The following USP49 variants were observed in gnomAD, a reference collection of about 807,000 sequenced individuals.
The protein encoded by USP49 is ubiquitin carboxyl-terminal hydrolase 49.
USP49 carries 24 observed loss-of-function variants against 58.6 expected under a neutral mutation model. That is an observed-to-expected ratio of 0.41 (90% CI 0.30 to 0.58). The LOEUF is 0.58. Among genes scored for constraint, USP49 ranks in the 20% least tolerant of loss-of-function variants. USP49 has a pLI of 0.30. For synonymous variants in USP49, 408 were observed against 365.1 expected (o/e 1.12, Z -1.34); for missense variants, 703 against 866.1 (o/e 0.81, Z 2.36).
intron 3 of USP49, among the ~76,000 whole-genome samples, chr6:41,820,448 A>G (rs1318906402): frequency 2.0e-5 from 3 of 152,230 alleles, no homozygotes; most frequent in Non-Finnish European, 2.9e-5. Context: ...GTAATTATTA[A>G]TTTGATGTGA....
chr6:41,825,262 A>G (rs1773518275), intron 3 of USP49, among the ~76,000 whole-genome samples: 1 of 152,210 alleles, frequency 6.6e-6, no homozygotes, highest in Admixed American at 6.5e-5. Context: ...AGTGCAGGTT[A>G]ATTTACTGTA....
intron 3 of USP49, among the ~76,000 whole-genome samples, chr6:41,811,452 G>A (rs1393557748): frequency 6.6e-6 from 1 of 152,112 alleles, no homozygotes; most frequent in Non-Finnish European, 1.5e-5. Context: ...TTATAGGTAT[G>A]TATGTACAGG....
intron 3 of USP49, among the ~76,000 whole-genome samples, chr6:41,821,319 T>C (rs1773449284): frequency 6.6e-6 from 1 of 152,180 alleles, no homozygotes; most frequent in Admixed American, 6.5e-5. Context: ...ACCAAATCTC[T>C]TTCAGTAACC....
At chr6:41,802,428 T>TTTTATTTAA (rs1773022449) in intron 5 of USP49, among the ~76,000 whole-genome samples, 1 of 106,432 alleles carries the variant, frequency 9.4e-6, no homozygotes, top group African/African-American at 3.5e-5. Flanking sequence ...TTTTATTTTA[T>TTTTATTTAA]TTTATTTATT....
At chr6:41,855,446 C>T (rs1774111591) in intron 3 of USP49, among the ~76,000 whole-genome samples, 1 of 150,590 alleles carries the variant, frequency 6.6e-6, no homozygotes, top group Non-Finnish European at 1.5e-5. Context: ...ACCCAGGAGG[C>T]AGAGGTTACA....
intron 2 of USP49, among the ~76,000 whole-genome samples, chr6:41,883,331 G>T (rs1332229404): frequency 7.1e-6 from 1 of 139,990 alleles, no homozygotes; most frequent in Non-Finnish European, 1.5e-5. Flanking sequence ...TCCAGCCTGG[G>T]AGACAGAGTG....
chr6:41,824,557 C>T (rs1283859875), intron 3 of USP49, among the ~76,000 whole-genome samples: 1 of 151,926 alleles, frequency 6.6e-6, no homozygotes, highest in Non-Finnish European at 1.5e-5. Context: ...TTAAAAAATA[C>T]AAAATTAGCG....
At chr6:41,829,057 T>C (rs1219800389) in intron 3 of USP49, among the ~76,000 whole-genome samples, 2 of 152,202 alleles carry the variant, frequency 1.3e-5, no homozygotes, top group East Asian at 3.8e-4. Context: ...CCTGGATACT[T>C]TATAGTTTTT....
chr6:41,872,377 G>A (rs568532573), intron 2 of USP49, among the ~76,000 whole-genome samples: 11 of 149,770 alleles, frequency 7.3e-5, no homozygotes, highest in South Asian at 2.1e-4. Context: ...CCGGGCGTCC[G>A]CCGCCCCATC....
At chr6:41,876,167 G>A (rs1232654137) in intron 2 of USP49, among the ~76,000 whole-genome samples, 2 of 152,090 alleles carry the variant, frequency 1.3e-5, no homozygotes, top group Non-Finnish European at 1.5e-5. Context: ...GTGTTTCCAC[G>A]CACATCCCCT....
chr6:41,895,055 G>A (rs1774873600), intron 1 of USP49, among the ~76,000 whole-genome samples: 1 of 57,198 alleles, frequency 1.7e-5, no homozygotes, highest in African/African-American at 6.8e-5. Context: ...CCCCCAGCCC[G>A]CCGGCGCCGC....
chr6:41,889,176 G>C (rs906363361), intron 2 of USP49, among the ~76,000 whole-genome samples: 2 of 151,980 alleles, frequency 1.3e-5, no homozygotes, highest in Admixed American at 6.6e-5. Context: ...GGGATTACCG[G>C]CACGTGCCAC....
intron 3 of USP49, among the ~76,000 whole-genome samples, chr6:41,819,426 C>T (rs1773415932): frequency 6.6e-6 from 1 of 151,832 alleles, no homozygotes; most frequent in Non-Finnish European, 1.5e-5. Flanking sequence ...GCCTCTCTAA[C>T]GCCATGTTCT....
At chr6:41,865,390 C>G (rs1774295311) in intron 3 of USP49, among the ~76,000 whole-genome samples, 2 of 152,058 alleles carry the variant, frequency 1.3e-5, no homozygotes, top group South Asian at 4.1e-4. Flanking sequence ...ACTTTGAAAG[C>G]AAAACAAGGT....
intron 3 of USP49, among the ~76,000 whole-genome samples, chr6:41,818,028 A>G (rs948107980): frequency 6.6e-6 from 1 of 152,146 alleles, no homozygotes. Flanking sequence ...CATGTTTTGT[A>G]CTTTTTTGTT....
chr6:41,805,053 G>T (rs888359109), intron 4 of USP49, among the ~76,000 whole-genome samples: 1 of 152,190 alleles, frequency 6.6e-6, no homozygotes, highest in East Asian at 1.9e-4. Flanking sequence ...CGGCACACCT[G>T]CCTTTTTTTA....
At chr6:41,877,010 TA>T in intron 2 of USP49, among the ~76,000 whole-genome samples, 1 of 152,332 alleles carries the variant, frequency 6.6e-6, no homozygotes, top group Non-Finnish European at 1.5e-5. Context: ...TTTAAAATTC[TA>T]AAATTTTGTA....
rs751024119 is a variant in USP49, at chr6:41,803,784, C to T, written c.1561+22G>A. 15 of 1,612,706 alleles carry T rather than the reference C, an allele frequency of 9.3e-6. No homozygotes were observed. Among genetic ancestry groups the T allele is most frequent in the African/African-American group, 2.7e-5 (2 of 74,882 alleles). On this transcript the variant is annotated intron_variant, in intron 5 of 7. Coordinates refer to ENST00000682992, the MANE Select transcript of USP49 (RefSeq NM_001286554.2). The surrounding 1 kb of genome is among the most constrained non-coding windows in gnomAD (Gnocchi z 4.1). ...TCCAATTATTCTTCCCCACTACGCC[C>T]CCTCCTCCACACAGCACTCACTGTT... is the stretch of plus-strand genomic sequence containing the variant.
intron 3 of USP49, among the ~76,000 whole-genome samples, chr6:41,839,341 G>T (rs144434537): frequency 7.0e-6 from 1 of 142,318 alleles, no homozygotes; most frequent in East Asian, 2.2e-4. Flanking sequence ...AGGAGGCGGA[G>T]GTTGCAATGA....
Sources: gnomAD v4.1 joint callset for allele counts (sites outside exome capture counted in the v4.1 genomes callset) on GRCh38, gnomAD v4.1.1 for gene constraint, Gnocchi (gnomAD v3.1) non-coding constraint, MANE v1.5 for transcripts, NCBI Gene and HGNC (gene_info 2026-07-23, HGNC 2026-07-21) for gene names.